The following SFXN1 variants were observed in gnomAD, a reference collection of about 807,000 sequenced individuals.
The protein encoded by SFXN1 is sideroflexin 1.
Under a neutral mutation model 39.5 loss-of-function variants are expected in SFXN1, and 32 were observed. That is an observed-to-expected ratio of 0.81 (90% CI 0.61 to 1.09). SFXN1 has a LOEUF of 1.09. SFXN1 is among the 50% of genes least tolerant of loss of function. The pLI is 0.00. For missense variants in SFXN1, 402 were observed against 407.1 expected, an observed-to-expected ratio of 0.99 and a Z score of 0.11; for synonymous variants, 136 against 146.5, an observed-to-expected ratio of 0.93 and a Z score of 0.52.
chr5:175,522,337 T>C (rs902852457), intron 9 of SFXN1, 38 bp from the exon 10 acceptor site: 2 of 1,563,134 alleles, frequency 1.3e-6, no homozygotes, highest in South Asian at 1.2e-5. Context: ...AAATTAACCA[T>C]TTAAAATGGT....
At chr5:175,479,168 T>A (rs1412705094) in intron 1 of SFXN1, among the ~76,000 whole-genome samples, 1 of 152,158 alleles carries the variant, frequency 6.6e-6, no homozygotes, top group African/African-American at 2.4e-5. Context: ...ATTCTTGGAG[T>A]AGTAGTTGGT....
chr5:175,491,910 T>C, intron 1 of SFXN1, 185 bp from the exon 2 acceptor site: 2 of 468,982 alleles, frequency 4.3e-6, no homozygotes, highest in Non-Finnish European at 7.5e-6. Flanking sequence ...TTAAGATCAA[T>C]TGAGATTTAT....
chr5:175,499,959 C>T (rs1184824714), intron 2 of SFXN1, among the ~76,000 whole-genome samples: 1 of 152,270 alleles, frequency 6.6e-6, no homozygotes, highest in African/African-American at 2.4e-5. Context: ...GAGGCCAAGG[C>T]GGGTGGATCA....
intron 8 of SFXN1, among the ~76,000 whole-genome samples, chr5:175,517,555 G>C (rs1037130329): frequency 3.9e-5 from 6 of 152,076 alleles, no homozygotes; most frequent in Non-Finnish European, 7.4e-5. Context: ...CTCTGAAAAA[G>C]TAATGGCTAA....
In SFXN1 at chr5:175,524,120, AAAAAAATATATAT is replaced by A. The variant is rs1204612026; in HGVS notation, c.872+1700_872+1712del. The stretch of plus-strand genomic sequence containing the variant: ...TTCTGTCTCAAAAAAAAAAAAAAAA[AAAAAAATATATAT>A]ATATATATATATATATATATATATA... On this transcript the variant is annotated intron_variant, in intron 10 of 10. Transcript: ENST00000321442. The A allele has an allele frequency of 2.4e-4, 9 of 38,048 alleles. No individual in the cohort carries two copies. In the East Asian group the frequency reaches 3.2e-3, roughly 14 times the overall value. The allele number at this position is 38,048 out of a possible 1,614,324, so 2.4% of individuals were successfully genotyped here.
rs6875679 is a variant in SFXN1 at position 175,488,542 on chromosome 5, G to A, written c.-9-3553G>A. Among the ~76,000 whole-genome samples, 5 of 152,054 alleles carry A rather than the reference G, an allele frequency of 3.3e-5. No homozygotes were observed. In the South Asian group the frequency reaches 8.3e-4, roughly 25 times the overall value. On this transcript the variant is annotated intron_variant, in intron 1 of 10. Coordinates refer to ENST00000321442, the MANE Select transcript of SFXN1 (RefSeq NM_022754.7). ...TCGAACTCCTGACCTCAGGTGATCC[G>A]CCCGCCTCGGCCTTCCAAAGTGCTG...
At chr5:175,499,204 G>A (rs1445508782) in intron 2 of SFXN1, among the ~76,000 whole-genome samples, 5 of 151,666 alleles carry the variant, frequency 3.3e-5, no homozygotes, top group Admixed American at 2.6e-4. Context: ...GCAGTGAGCC[G>A]AGATGGCACC....
chr5:175,505,456 G>C (rs905141060), intron 2 of SFXN1, among the ~76,000 whole-genome samples: 2 of 151,400 alleles, frequency 1.3e-5, no homozygotes, highest in Non-Finnish European at 2.9e-5. Flanking sequence ...AGCATTGCTT[G>C]AACCCAGGAG....
Position 175,492,128 on chromosome 5 carries a change from A to G in SFXN1, c.25A>G (p.Ile9Val). MSGELPPN[I>V]NIKEPRWDQS... ...CATGTCTGGAGAACTACCACCAAACATTAACATCAAGGAACCTCGATGGGA... is the reference window on the plus strand; with the variant it reads ...CATGTCTGGAGAACTACCACCAAACGTTAACATCAAGGAACCTCGATGGGA... Residue 9 changes from isoleucine to valine, a missense_variant, in exon 2 of 11, where the codon ATT becomes GTT. Ile to Val is a conservative substitution (Grantham distance 29, BLOSUM62 3). Coordinates refer to ENST00000321442, the MANE Select transcript of SFXN1 (RefSeq NM_022754.7). The G allele has an allele frequency of 6.2e-7, 1 of 1,613,784 alleles. No homozygotes were observed. The highest frequency in any genetic ancestry group is 1.6e-4 in the Middle Eastern group (1 of 6,062).
intron 7 of SFXN1, among the ~76,000 whole-genome samples, chr5:175,515,734 A>G (rs555002071): frequency 1.4e-4 from 22 of 152,184 alleles, no homozygotes; most frequent in Admixed American, 1.1e-3. Context: ...ATGGAAGACA[A>G]TTTTTTCATG....
At position 175,502,348 on chromosome 5, in the gene SFXN1, A is replaced by G. The variant is rs542415214; in HGVS notation, c.165-6684A>G. 3.9e-5 allele frequency among the ~76,000 whole-genome samples: 6 copies of G among 152,230 alleles called. No homozygotes were observed. The South Asian group carries it at 1.0e-3, about 26-fold the overall frequency. On this transcript the variant is annotated intron_variant, in intron 2 of 10. Coordinates refer to ENST00000321442, the MANE Select transcript of SFXN1 (RefSeq NM_022754.7). ...CAAGAAGGGGGTCTTGGGGGGTGTT[A>G]TCAATTTTGTTTCAGAGCCAGACCA...
intron 4 of SFXN1, 102 bp from the exon 5 acceptor site, chr5:175,511,349 A>G (rs149168203): frequency 3.3e-5 from 29 of 889,058 alleles, no homozygotes; most frequent in Non-Finnish European, 4.6e-5. Context: ...TTCATTCTGA[A>G]TCATGCTCTT....
At chr5:175,482,186 G>T (rs931391097) in intron 1 of SFXN1, among the ~76,000 whole-genome samples, 5 of 152,210 alleles carry the variant, frequency 3.3e-5, no homozygotes, top group African/African-American at 9.6e-5. Flanking sequence ...GGACAGCAGT[G>T]ACTGACCGGC....
intron 1 of SFXN1, among the ~76,000 whole-genome samples, chr5:175,489,646 T>C (rs1759585380): frequency 6.6e-6 from 1 of 152,242 alleles, no homozygotes; most frequent in Non-Finnish European, 1.5e-5. Context: ...GAACTGTTTA[T>C]TCCTGTGAAG....
At chr5:175,524,126 ATATATAT>A (rs1195312524) in intron 10 of SFXN1, 5 of 20,274 alleles carry the variant, frequency 2.5e-4, no homozygotes, top group African/African-American at 1.5e-3. Flanking sequence ...AAAAAAAAAA[ATATATAT>A]ATATATATAT....
At chr5:175,487,236 AAGG>A (rs1225698097) in intron 1 of SFXN1, among the ~76,000 whole-genome samples, 1 of 152,182 alleles carries the variant, frequency 6.6e-6, no homozygotes, top group Non-Finnish European at 1.5e-5. Flanking sequence ...GAACCTCTAG[AAGG>A]AGGATAGTAT....
intron 1 of SFXN1, among the ~76,000 whole-genome samples, chr5:175,486,192 G>C (rs1423218936): frequency 1.4e-5 from 2 of 144,970 alleles, no homozygotes; most frequent in African/African-American, 5.8e-5. Context: ...AAAAGTGGGG[G>C]GGCCTCCAAG....
chr5:175,514,630 T>C (rs1472322204), intron 7 of SFXN1, among the ~76,000 whole-genome samples: 1 of 152,254 alleles, frequency 6.6e-6, no homozygotes, highest in Non-Finnish European at 1.5e-5. Context: ...GATACTGTTT[T>C]GCGGTTTTTA....
chr5:175,499,976 G>T (rs1180470469), intron 2 of SFXN1, among the ~76,000 whole-genome samples: 1 of 152,176 alleles, frequency 6.6e-6, no homozygotes, highest in Non-Finnish European at 1.5e-5. Context: ...ATCACCTGAG[G>T]TCAGAAGTTC....
Sources: gnomAD v4.1 joint callset for allele counts (sites outside exome capture counted in the v4.1 genomes callset) on GRCh38, gnomAD v4.1.1 for gene constraint, MANE v1.5 for transcripts, NCBI Gene and HGNC (gene_info 2026-07-23, HGNC 2026-07-21) for gene names.